Variants in SLC35E2B observed in about 807,000 individuals in gnomAD.
SLC35E2B encodes the protein solute carrier family 35, member E2B.
SLC35E2B carries 18 observed loss-of-function variants against 32.4 expected under a neutral mutation model. The observed-to-expected ratio is 0.56, with a 90% CI of 0.38 to 0.82. The LOEUF (loss-of-function observed/expected upper bound fraction) is 0.82. Among genes scored for constraint, SLC35E2B ranks in the 40% least tolerant of loss-of-function variants. The pLI, the probability that SLC35E2B is intolerant of heterozygous loss-of-function variation, is 0.00. For missense variants in SLC35E2B, 263 were observed against 469.5 expected (o/e 0.56, Z 4.06); for synonymous variants, 132 against 209.1 (o/e 0.63, Z 3.18).
chr1:1,670,405 A>G, intron 6 of SLC35E2B: 1 of 357,640 alleles, frequency 2.8e-6, no homozygotes, highest in Non-Finnish European at 5.1e-6. Context: ...TACAAGTGTG[A>G]GCCACCACGC....
At chr1:1,668,616 C>T in intron 8 of SLC35E2B, 144 bp from the exon 9 acceptor site, 3 of 1,490,832 alleles carry the variant, frequency 2.0e-6, no homozygotes, top group Non-Finnish European at 2.8e-6. Context: ...CTCGAGCGGA[C>T]AGCTGGACTG....
intron 5 of SLC35E2B, chr1:1,673,893 A>G (rs1357904735): frequency 1.4e-5 from 2 of 145,074 alleles, no homozygotes; most frequent in African/African-American, 2.6e-5. Context: ...AACCCGGGAG[A>G]TGGAGCTTGC....
intron 2 of SLC35E2B, among the ~76,000 whole-genome samples, chr1:1,688,114 A>ACTCTG (rs1643973708): frequency 1.3e-5 from 2 of 152,024 alleles, no homozygotes; most frequent in South Asian, 4.2e-4. Flanking sequence ...AACACAGTAA[A>ACTCTG]GGATCAGAAC....
intron 2 of SLC35E2B, among the ~76,000 whole-genome samples, chr1:1,684,170 C>T (rs891268972): frequency 6.6e-6 from 1 of 152,182 alleles, no homozygotes; most frequent in African/African-American, 2.4e-5. Flanking sequence ...GACATCTCCA[C>T]AGACAGCCCC....
chr1:1,674,633 C>CAAAAAAAAAAAAA (rs372723226), intron 5 of SLC35E2B, among the ~76,000 whole-genome samples: 16 of 126,624 alleles, frequency 1.3e-4, no homozygotes, highest in Non-Finnish European at 2.0e-4. Flanking sequence ...ATAAAAAAAA[C>CAAAAAAAAAAAAA]AAAAAAAAAA....
At chr1:1,673,092 GGACAC>G (rs1643743321) in intron 5 of SLC35E2B, 1 of 165,782 alleles carries the variant, frequency 6.0e-6, no homozygotes, top group African/African-American at 2.4e-5. Context: ...TTTTAAAGCC[GGACAC>G]GGCGGCTGAT....
intron 2 of SLC35E2B, among the ~76,000 whole-genome samples, chr1:1,680,527 G>C (rs943365914): frequency 9.9e-5 from 15 of 152,070 alleles, no homozygotes; most frequent in African/African-American, 3.1e-4. Context: ...CCAGCCCTGG[G>C]ACACGCATGC....
chr1:1,680,633 G>C (rs960003115), intron 2 of SLC35E2B, among the ~76,000 whole-genome samples: 1 of 152,074 alleles, frequency 6.6e-6, no homozygotes, highest in African/African-American at 2.4e-5. Context: ...AGCCCACGTG[G>C]TCCCGGGGTC....
At chr1:1,688,242 A>G (rs1643975033) in intron 2 of SLC35E2B, among the ~76,000 whole-genome samples, 1 of 152,102 alleles carries the variant, frequency 6.6e-6, no homozygotes, top group Non-Finnish European at 1.5e-5. Flanking sequence ...ATGAGAAGCC[A>G]CCATCTGGCC....
intron 8 of SLC35E2B, among the ~76,000 whole-genome samples, chr1:1,668,730 G>A (rs1368262861): frequency 3.9e-5 from 6 of 152,174 alleles, no homozygotes; most frequent in African/African-American, 1.4e-4. Flanking sequence ...GCACATGAAA[G>A]AGGCTGAACG....
At chr1:1,678,635 C>T (rs1451837092) in intron 2 of SLC35E2B, among the ~76,000 whole-genome samples, 1 of 152,142 alleles carries the variant, frequency 6.6e-6, no homozygotes, top group Non-Finnish European at 1.5e-5. Flanking sequence ...ACCCCTCCAC[C>T]AGTTCCCACA....
At chr1:1,679,830 CAAA>C (rs763458628) in intron 2 of SLC35E2B, among the ~76,000 whole-genome samples, 3 of 70,722 alleles carry the variant, frequency 4.2e-5, no homozygotes, top group Admixed American at 1.6e-4. Context: ...AGACTCCCGT[CAAA>C]AAAAAAAAAA....
At chr1:1,667,622 C>T (rs1447842765) in intron 9 of SLC35E2B, among the ~76,000 whole-genome samples, 2 of 152,062 alleles carry the variant, frequency 1.3e-5, no homozygotes, top group Non-Finnish European at 2.9e-5. Context: ...TTGTTATATT[C>T]TCCACATTTC....
chr1:1,673,076 A>T lies in SLC35E2B; in HGVS notation c.587-1447T>A, dbSNP rs527899939. On this transcript the variant is annotated intron_variant, in intron 5 of 9. Coordinates refer to ENST00000617444, the MANE Select transcript of SLC35E2B (RefSeq NM_001290264.2). ...TGTCATTTTGTTTACGATTTTTAGG[A>T]TTGCTTTTTAAAGCCGGACACGGCG... The T allele has an allele frequency of 2.1e-4, 35 of 166,188 alleles. No individual in the cohort carries two copies. In the East Asian group the frequency reaches 6.1e-3, roughly 29 times the overall value. 10.3% of individuals were successfully genotyped at this position (166,188 alleles called of 1,614,324 possible).
intron 8 of SLC35E2B, among the ~76,000 whole-genome samples, chr1:1,668,991 CAAAAAAA>C (rs1021377861): frequency 1.4e-5 from 1 of 71,640 alleles, no homozygotes; most frequent in African/African-American, 5.1e-5. Context: ...ATATCATCTC[CAAAAAAA>C]AAAAAAAAAA....
At chr1:1,687,300 G>A (rs1308197267) in intron 2 of SLC35E2B, among the ~76,000 whole-genome samples, 1 of 152,166 alleles carries the variant, frequency 6.6e-6, no homozygotes, top group Non-Finnish European at 1.5e-5. Flanking sequence ...AAAGGGGCTG[G>A]GCGCAATGGC....
intron 2 of SLC35E2B, among the ~76,000 whole-genome samples, chr1:1,678,877 G>A (rs1450993468): frequency 6.6e-6 from 1 of 152,198 alleles, no homozygotes; most frequent in African/African-American, 2.4e-5. Flanking sequence ...GGACTGATGG[G>A]CCCTGGCTGG....
chr1:1,686,327 T>C (rs564869602), intron 2 of SLC35E2B, among the ~76,000 whole-genome samples: 3,182 of 141,352 alleles, frequency 0.023, 122 homozygotes, highest in African/African-American at 0.076. Flanking sequence ...TTTTCTTTTT[T>C]TTTTTTTTTT....
At chr1:1,677,876 C>T (rs1643867306) in intron 2 of SLC35E2B, among the ~76,000 whole-genome samples, 1 of 151,764 alleles carries the variant, frequency 6.6e-6, no homozygotes, top group Non-Finnish European at 1.5e-5. Context: ...AAGGTCAGAA[C>T]AGCCGTTTCC....
Sources: gnomAD v4.1 joint callset for allele counts (sites outside exome capture counted in the v4.1 genomes callset) on GRCh38, gnomAD v4.1.1 for gene constraint, MANE v1.5 for transcripts, NCBI Gene and HGNC (gene_info 2026-07-23, HGNC 2026-07-21) for gene names.